RPS6KC1: variants seen among roughly 807,000 people sequenced by gnomAD.
RPS6KC1 encodes ribosomal protein S6 kinase C1.
Under a neutral mutation model 103.8 loss-of-function variants are expected in RPS6KC1, and 54 were observed. The observed-to-expected ratio is 0.52, with a 90% CI of 0.42 to 0.65. The LOEUF (loss-of-function observed/expected upper bound fraction) is 0.65, where lower values mean the gene tolerates loss of function less well. RPS6KC1 is among the 30% of genes least tolerant of loss of function. RPS6KC1 has a pLI of 0.00. For missense variants in RPS6KC1, 1,151 were observed against 1,253.8 expected (o/e 0.92, Z 1.24); for synonymous variants, 439 against 438.7 (o/e 1.00, Z -0.01).
the RPS6KC1 span, among the ~76,000 whole-genome samples, chr1:213,310,115 C>T: frequency 3.3e-5 from 5 of 152,206 alleles, no homozygotes; most frequent in African/African-American, 1.2e-4. Flanking sequence ...GGGTGTCCTG[C>T]ACCTGGCTTT....
At chr1:213,057,124 A>G (rs138877049) in intron 1 of RPS6KC1, among the ~76,000 whole-genome samples, 193 of 152,026 alleles carry the variant, frequency 1.3e-3, no homozygotes, top group African/African-American at 4.4e-3. Flanking sequence ...ATTTTTTTTA[A>G]GAGACGGGGT....
At chr1:213,323,100 T>C in the RPS6KC1 span, among the ~76,000 whole-genome samples, 1 of 151,878 alleles carries the variant, frequency 6.6e-6, no homozygotes, top group South Asian at 2.1e-4. Flanking sequence ...GCATAGCATC[T>C]TCAAAGCTTT....
At chr1:213,481,432 G>A in the RPS6KC1 span, among the ~76,000 whole-genome samples, 1 of 152,174 alleles carries the variant, frequency 6.6e-6, no homozygotes, top group Non-Finnish European at 1.5e-5. Flanking sequence ...AAAGGAGGTG[G>A]ACCATGACTC....
At chr1:213,487,969 A>T in the RPS6KC1 span, among the ~76,000 whole-genome samples, 1 of 152,062 alleles carries the variant, frequency 6.6e-6, no homozygotes, top group African/African-American at 2.4e-5. Context: ...CTCCCTCCCC[A>T]TTCCTTTGAT....
At chr1:213,214,755 C>G (rs1010226643) in intron 8 of RPS6KC1, among the ~76,000 whole-genome samples, 4 of 152,170 alleles carry the variant, frequency 2.6e-5, no homozygotes, top group Non-Finnish European at 5.9e-5. Context: ...TGCCGATACC[C>G]AGGCAAACAG....
chr1:213,074,466 T>C (rs1159166355), intron 2 of RPS6KC1, among the ~76,000 whole-genome samples: 12 of 152,228 alleles, frequency 7.9e-5, no homozygotes, highest in Admixed American at 7.2e-4. Flanking sequence ...GGACTTTGTG[T>C]AGTCCAGATA....
chr1:213,250,549 T>C (rs181866473), intron 12 of RPS6KC1, among the ~76,000 whole-genome samples: 1 of 152,322 alleles, frequency 6.6e-6, no homozygotes, highest in Admixed American at 6.5e-5. Flanking sequence ...AGGCTCTAGT[T>C]AGTCTATCAT....
the RPS6KC1 span, among the ~76,000 whole-genome samples, chr1:213,515,212 C>G: frequency 1.3e-4 from 20 of 152,010 alleles, no homozygotes; most frequent in African/African-American, 2.4e-4. Context: ...TTCTTTTGCT[C>G]TGCAGAAGCT....
intron 2 of RPS6KC1, among the ~76,000 whole-genome samples, chr1:213,076,893 A>G (rs2079395623): frequency 6.6e-6 from 1 of 151,110 alleles, no homozygotes; most frequent in Non-Finnish European, 1.5e-5. Flanking sequence ...TTTTGAGACA[A>G]GAGTCTTACT....
At chr1:213,690,752 A>G in the RPS6KC1 span, among the ~76,000 whole-genome samples, 3 of 152,232 alleles carry the variant, frequency 2.0e-5, no homozygotes, top group Non-Finnish European at 2.9e-5. Context: ...GGGGATAAGA[A>G]TACAGTATCT....
At chr1:213,159,540 A>G (rs1418206488) in intron 6 of RPS6KC1, among the ~76,000 whole-genome samples, 2 of 152,250 alleles carry the variant, frequency 1.3e-5, no homozygotes, top group Admixed American at 1.3e-4. Context: ...CATGGACACC[A>G]TAAAAAATGC....
the RPS6KC1 span, among the ~76,000 whole-genome samples, chr1:213,301,516 C>T: frequency 2.0e-5 from 3 of 152,196 alleles, no homozygotes; most frequent in East Asian, 1.9e-4. Context: ...GTGCTTCTCA[C>T]GTCATCTGGA....
At chr1:213,476,931 C>T in the RPS6KC1 span, among the ~76,000 whole-genome samples, 3 of 152,172 alleles carry the variant, frequency 2.0e-5, no homozygotes, top group South Asian at 6.2e-4. Flanking sequence ...AAGAAGAATC[C>T]ACGTTGTGGC....
At chr1:213,361,834 G>A in the RPS6KC1 span, among the ~76,000 whole-genome samples, 19 of 152,304 alleles carry the variant, frequency 1.2e-4, no homozygotes, top group South Asian at 3.7e-3. Context: ...TGGCGTCTTT[G>A]CGGCTGTTCT....
chr1:213,607,488 C>G, the RPS6KC1 span, among the ~76,000 whole-genome samples: 1 of 152,062 alleles, frequency 6.6e-6, no homozygotes, highest in Non-Finnish European at 1.5e-5. Context: ...TATTAACTCC[C>G]AAACTATCTC....
At chr1:213,792,574 G>A in the RPS6KC1 span, among the ~76,000 whole-genome samples, 1 of 152,126 alleles carries the variant, frequency 6.6e-6, no homozygotes, top group African/African-American at 2.4e-5. Flanking sequence ...TTAATCGGAT[G>A]CTAGGAAAAT....
chr1:213,380,552 GAC>G, the RPS6KC1 span, among the ~76,000 whole-genome samples: 6 of 152,120 alleles, frequency 3.9e-5, no homozygotes, highest in Non-Finnish European at 8.8e-5. Flanking sequence ...CAGACACACA[GAC>G]ACACAGACAC....
the RPS6KC1 span, among the ~76,000 whole-genome samples, chr1:213,464,922 C>T: frequency 3.3e-5 from 5 of 152,000 alleles, no homozygotes; most frequent in African/African-American, 9.7e-5. Flanking sequence ...CAGGGAATAT[C>T]GGCTGCTAAT....
At position 213,264,757 on chromosome 1, in the gene RPS6KC1, T is replaced by G. The variant is rs148999326; in HGVS notation, c.3090+1941T>G. Among the ~76,000 whole-genome samples the G allele has an allele frequency of 1.2e-4, 18 of 152,278 alleles. No individual in the cohort carries two copies. The East Asian group carries it at 2.9e-3, about 24-fold the overall frequency. ...CTTTCCTTTTCCACTACCTCACAGG[T>G]CATAGAGGTCACTTTAAAAAAAAAT... On this transcript the variant is annotated intron_variant, in intron 14 of 14. Transcript: ENST00000366960.
Sources: gnomAD v4.1 joint callset for allele counts (sites outside exome capture counted in the v4.1 genomes callset) on GRCh38, gnomAD v4.1.1 for gene constraint, MANE v1.5 for transcripts, NCBI Gene and HGNC (gene_info 2026-07-23, HGNC 2026-07-21) for gene names.